AGBL1: variants seen among roughly 807,000 people sequenced by gnomAD.
The protein encoded by AGBL1 is AGBL carboxypeptidase 1, also known as cytosolic carboxypeptidase 4.
A neutral mutation model predicts 118.9 loss-of-function variants in AGBL1; 130 were observed. That is an observed-to-expected ratio of 1.09 (90% CI 0.95 to 1.26). AGBL1 has a LOEUF of 1.26. AGBL1 is among the 50% of genes most tolerant of loss of function. The pLI, the probability that AGBL1 is intolerant of heterozygous loss-of-function variation, is 0.00. For missense variants in AGBL1, 1,584 were observed against 1,298.1 expected (o/e 1.22, Z -3.38); for synonymous variants, 555 against 478.9 (o/e 1.16, Z -2.08).
At chr15:87,014,235 G>A (rs2081588337) in intron 24 of AGBL1, among the ~76,000 whole-genome samples, 1 of 151,852 alleles carries the variant, frequency 6.6e-6, no homozygotes, top group Non-Finnish European at 1.5e-5. Flanking sequence ...CAATATATAT[G>A]TCTAATGTTT....
chr15:86,381,936 C>T (rs914759281), intron 17 of AGBL1, among the ~76,000 whole-genome samples: 17 of 152,194 alleles, frequency 1.1e-4, no homozygotes, highest in African/African-American at 2.9e-4. Context: ...AATGGGGAGC[C>T]GCTGAATATT....
intron 22 of AGBL1, among the ~76,000 whole-genome samples, chr15:86,754,057 C>A (rs2077897260): frequency 1.3e-5 from 2 of 152,220 alleles, no homozygotes; most frequent in South Asian, 4.1e-4. Context: ...TGGCTTCAAC[C>A]AAACAACAGC....
At chr15:86,447,246 G>A (rs145301602) in intron 18 of AGBL1, among the ~76,000 whole-genome samples, 1 of 152,264 alleles carries the variant, frequency 6.6e-6, no homozygotes, top group African/African-American at 2.4e-5. Flanking sequence ...TACCATTCAG[G>A]CCAATGGTAG....
chr15:86,989,845 G>T (rs2081321384), intron 24 of AGBL1, among the ~76,000 whole-genome samples: 1 of 152,198 alleles, frequency 6.6e-6, no homozygotes, highest in Admixed American at 6.5e-5. Flanking sequence ...ACACATGCAG[G>T]AAGCACTTTC....
intron 22 of AGBL1, among the ~76,000 whole-genome samples, chr15:86,853,054 A>T (rs2079428896): frequency 1.3e-5 from 2 of 148,954 alleles, no homozygotes; most frequent in South Asian, 4.2e-4. Flanking sequence ...TTCCAAAAAA[A>T]ATCTCAAAGC....
At chr15:86,491,921 A>T (rs991260911) in intron 18 of AGBL1, among the ~76,000 whole-genome samples, 1 of 151,982 alleles carries the variant, frequency 6.6e-6, no homozygotes, top group Non-Finnish European at 1.5e-5. Context: ...AAGGGAAATT[A>T]TATTTATAAA....
intron 1 of AGBL1, among the ~76,000 whole-genome samples, chr15:86,114,382 G>A (rs58294731): frequency 0.03 from 4,500 of 152,216 alleles, 94 homozygotes; most frequent in Middle Eastern, 0.054. Flanking sequence ...GGTGGCCTGC[G>A]TCTTCTACTC....
At chr15:86,579,696 G>C (rs918444811) in intron 21 of AGBL1, among the ~76,000 whole-genome samples, 1 of 152,194 alleles carries the variant, frequency 6.6e-6, no homozygotes, top group South Asian at 2.1e-4. Context: ...GATCACAGCT[G>C]TCTTTTAACA....
intron 22 of AGBL1, among the ~76,000 whole-genome samples, chr15:86,865,687 G>C (rs1451320359): frequency 6.6e-6 from 1 of 152,144 alleles, no homozygotes; most frequent in Non-Finnish European, 1.5e-5. Context: ...ACTAACACCT[G>C]ATGTCACAGC....
intron 18 of AGBL1, among the ~76,000 whole-genome samples, chr15:86,457,350 CT>C (rs2082273926): frequency 6.6e-6 from 1 of 152,136 alleles, no homozygotes; most frequent in Admixed American, 6.5e-5. Context: ...ATTTTTCCCT[CT>C]AGTAAAGAGG....
chr15:86,504,534 C>A (rs1332689015), intron 18 of AGBL1, among the ~76,000 whole-genome samples: 1 of 151,430 alleles, frequency 6.6e-6, no homozygotes, highest in African/African-American at 2.4e-5. Context: ...ATATTCAAGG[C>A]ACTATTTAAA....
At chr15:86,712,160 G>A (rs1302103448) in intron 22 of AGBL1, among the ~76,000 whole-genome samples, 2 of 152,126 alleles carry the variant, frequency 1.3e-5, no homozygotes, top group African/African-American at 4.8e-5. Flanking sequence ...GACATTTTAA[G>A]TGACCATGAG....
intron 18 of AGBL1, among the ~76,000 whole-genome samples, chr15:86,408,596 G>C (rs1022435392): frequency 3.9e-5 from 6 of 152,208 alleles, no homozygotes; most frequent in Admixed American, 3.9e-4. Flanking sequence ...GTTTGAAACA[G>C]AGCAGAATTA....
At chr15:86,343,409 G>T (rs1394091003) in intron 17 of AGBL1, among the ~76,000 whole-genome samples, 1 of 152,080 alleles carries the variant, frequency 6.6e-6, no homozygotes, top group Non-Finnish European at 1.5e-5. Flanking sequence ...GTGTCTTGAG[G>T]CTAGGGGTCT....
At chr15:86,080,674 G>C (rs1291657487) in intron 1 of AGBL1, among the ~76,000 whole-genome samples, 1 of 152,180 alleles carries the variant, frequency 6.6e-6, no homozygotes, top group East Asian at 1.9e-4. Context: ...GAATCACCTG[G>C]AGAGGGTCAA....
chr15:87,022,093 G>T (rs192422355), intron 24 of AGBL1, among the ~76,000 whole-genome samples: 1 of 152,038 alleles, frequency 6.6e-6, no homozygotes, highest in African/African-American at 2.4e-5. Context: ...ATAGGAAAAG[G>T]GGGAGAGTAC....
chr15:87,007,367 C>T (rs2141773419), intron 24 of AGBL1, among the ~76,000 whole-genome samples: 1 of 152,220 alleles, frequency 6.6e-6, no homozygotes, highest in South Asian at 2.1e-4. Context: ...TAGAAAAATA[C>T]ATTGCTTTTA....
At chr15:86,637,035 C>A (rs1286831839) in intron 21 of AGBL1, among the ~76,000 whole-genome samples, 1 of 151,802 alleles carries the variant, frequency 6.6e-6, no homozygotes. Flanking sequence ...GGGTGACAAG[C>A]AGACATAAAG....
intron 4 of AGBL1, among the ~76,000 whole-genome samples, chr15:86,156,237 A>C (rs965453696): frequency 1.3e-5 from 2 of 152,126 alleles, no homozygotes; most frequent in African/African-American, 4.8e-5. Flanking sequence ...ACATTTTTGA[A>C]GGCTACAATT....
Sources: gnomAD v4.1 joint callset for allele counts (sites outside exome capture counted in the v4.1 genomes callset) on GRCh38, gnomAD v4.1.1 for gene constraint, MANE v1.5 for transcripts, NCBI Gene and HGNC (gene_info 2026-07-23, HGNC 2026-07-21) for gene names.